The following LMNB1 variants were observed in gnomAD, a reference collection of about 807,000 sequenced individuals.
LMNB1 encodes lamin-B1.
Under a neutral mutation model 67.1 loss-of-function variants are expected in LMNB1, and 23 were observed. The ratio of observed to expected loss-of-function variants is 0.34; its 90% CI spans 0.25 to 0.49. LMNB1 has a LOEUF of 0.49. Ranked by LOEUF, LMNB1 falls within the 20% of genes least tolerant of loss-of-function variation. The pLI, the probability that LMNB1 is intolerant of heterozygous loss-of-function variation, is 0.99. For synonymous variants in LMNB1, 281 were observed against 282.9 expected (o/e 0.99, Z 0.07); for missense variants, 634 against 746.5 (o/e 0.85, Z 1.76).
At chr5:126,810,480 T>C in intron 4 of LMNB1, 130 bp downstream of exon 4, 1 of 688,776 alleles carries the variant, frequency 1.5e-6, no homozygotes, top group Non-Finnish European at 2.2e-6. Context: ...ATGAAATATA[T>C]AGAAAATTGA....
intron 1 of LMNB1, among the ~76,000 whole-genome samples, chr5:126,787,677 A>C (rs1750844764): frequency 6.7e-6 from 1 of 150,324 alleles, no homozygotes; most frequent in Non-Finnish European, 1.5e-5. Flanking sequence ...CAGCGTCCCA[A>C]GTAGCTGGGA....
chr5:126,799,172 C>A (rs1301842807), intron 1 of LMNB1, among the ~76,000 whole-genome samples: 1 of 152,122 alleles, frequency 6.6e-6, no homozygotes, highest in Non-Finnish European at 1.5e-5. Context: ...GCGCCCGCCA[C>A]CTCGCCCGGC....
At chr5:126,796,872 C>T (rs891075939) in intron 1 of LMNB1, among the ~76,000 whole-genome samples, 1 of 150,536 alleles carries the variant, frequency 6.6e-6, no homozygotes, top group South Asian at 2.1e-4. Flanking sequence ...ACTGCAACCT[C>T]CACACCCCCA....
intron 3 of LMNB1, among the ~76,000 whole-genome samples, chr5:126,807,509 A>AGTG (rs959561275): frequency 1.3e-5 from 2 of 152,312 alleles, no homozygotes; most frequent in African/African-American, 4.8e-5. Context: ...TTCTTCAATG[A>AGTG]GTGGTAAGGA....
intron 1 of LMNB1, among the ~76,000 whole-genome samples, chr5:126,796,455 G>C (rs996766326): frequency 2.0e-5 from 3 of 152,192 alleles, no homozygotes; most frequent in Admixed American, 6.5e-5. Context: ...GCAGAAGCCA[G>C]GGTTGGAAAT....
chr5:126,827,611 C>T (rs1247578789), intron 9 of LMNB1, among the ~76,000 whole-genome samples: 4 of 152,204 alleles, frequency 2.6e-5, no homozygotes, highest in African/African-American at 9.6e-5. Flanking sequence ...TGCGCCATTG[C>T]ACTCCAGCCT....
At chr5:126,803,197 A>AG (rs398109401) in intron 1 of LMNB1, among the ~76,000 whole-genome samples, 1 of 150,910 alleles carries the variant, frequency 6.6e-6, no homozygotes, top group African/African-American at 2.4e-5. Context: ...AAAAAAAAAA[A>AG]GTGATATTTA....
rs933047897 is a variant in LMNB1 at position 126,837,017 on chromosome 5, T to C, written c.*753T>C. ...AACAAATAAAAAAGCTCTTTTAATA[T>C]TGATATACTGTCCTTTTTAACGCTT... On this transcript the variant is annotated 3_prime_UTR_variant, in exon 11 of 11. Coordinates refer to ENST00000261366, the MANE Select transcript of LMNB1 (RefSeq NM_005573.4). 1.5e-5 allele frequency: 6 copies of C among 397,058 alleles called. No homozygotes were observed. Among genetic ancestry groups the C allele is most frequent in the Non-Finnish European group, 2.7e-5 (6 of 225,236 alleles). 24.6% of individuals were successfully genotyped at this position (397,058 alleles called of 1,614,324 possible). A position where few individuals can be genotyped will look rare whatever the true frequency, so the allele number is the denominator to read the frequency against.
intron 10 of LMNB1, among the ~76,000 whole-genome samples, chr5:126,834,616 C>T (rs1162589773): frequency 6.6e-6 from 1 of 152,222 alleles, no homozygotes; most frequent in Non-Finnish European, 1.5e-5. Context: ...GGCACGGTGG[C>T]TTACGCCTGT....
intron 1 of LMNB1, among the ~76,000 whole-genome samples, chr5:126,780,215 A>T (rs1312718696): frequency 1.3e-5 from 2 of 152,104 alleles, no homozygotes; most frequent in Non-Finnish European, 2.9e-5. Context: ...CACAGATCAA[A>T]TATCTGTTGC....
intron 1 of LMNB1, among the ~76,000 whole-genome samples, chr5:126,795,198 C>T (rs1386536738): frequency 1.3e-5 from 2 of 148,692 alleles, no homozygotes; most frequent in Non-Finnish European, 3.0e-5. Flanking sequence ...AGTGCCGTGG[C>T]ATGACCACAG....
Position 126,777,544 on chromosome 5 carries a change from C to T in LMNB1, c.36C>T (p.Gly12=), listed in dbSNP as rs1247818233. The T allele has an allele frequency of 7.0e-7, 1 of 1,438,526 alleles. No homozygotes were observed. The highest frequency in any genetic ancestry group is 1.4e-5 in the South Asian group (1 of 69,752). 89.1% of individuals were successfully genotyped at this position (1,438,526 alleles called of 1,614,324 possible). A position where few individuals can be genotyped will look rare whatever the true frequency, so the allele number is the denominator to read the frequency against. ...CGACCCCCGTGCCGCCGCGGATGGG[C>T]AGCCGCGCTGGCGGCCCCACCACGC... ...ATATPVPPRM[G]SRAGGPTTPL... Residue 12 remains glycine (G), a synonymous_variant, in exon 1 of 11, where the codon GGC becomes GGT. Transcript: ENST00000261366.
intron 6 of LMNB1, among the ~76,000 whole-genome samples, chr5:126,819,495 T>C (rs1751808355): frequency 6.8e-6 from 1 of 148,086 alleles, no homozygotes; most frequent in Non-Finnish European, 1.5e-5. Context: ...TATTTATTTA[T>C]TTATTTATTT....
intron 1 of LMNB1, among the ~76,000 whole-genome samples, chr5:126,804,059 C>T (rs1449625434): frequency 1.3e-5 from 2 of 151,740 alleles, no homozygotes; most frequent in African/African-American, 4.8e-5. Flanking sequence ...CTTTTCTTCT[C>T]ATTTAGTGTA....
At chr5:126,809,823 G>C (rs1354103171) in intron 3 of LMNB1, among the ~76,000 whole-genome samples, 1 of 152,152 alleles carries the variant, frequency 6.6e-6, no homozygotes, top group Non-Finnish European at 1.5e-5. Context: ...AAACAATTCA[G>C]AAAAATAATT....
chr5:126,796,500 T>C (rs1415529751), intron 1 of LMNB1, among the ~76,000 whole-genome samples: 2 of 152,176 alleles, frequency 1.3e-5, no homozygotes, highest in Non-Finnish European at 2.9e-5. Flanking sequence ...ACTGGCGGCA[T>C]GTTGAACAAC....
chr5:126,811,586 A>G, intron 4 of LMNB1, 187 bp from the exon 5 acceptor site: 1 of 438,006 alleles, frequency 2.3e-6, no homozygotes. Context: ...TTATTTAGGA[A>G]GTGACTCTAA....
rs905950445 is a variant in LMNB1, at chr5:126,810,953, G to A, written c.813+603G>A. Among the ~76,000 whole-genome samples, 3 of 152,194 alleles carry A rather than the reference G, an allele frequency of 2.0e-5. No homozygotes were observed. In the East Asian group the frequency reaches 5.8e-4, roughly 29 times the overall value. On this transcript the variant is annotated intron_variant, in intron 4 of 10. Transcript: ENST00000261366. Reference sequence around the variant, plus strand: ...TTTCCCTGGTAAATGATTTTGCCTTGTGTTTTAAATGTTACATGATTTGAT... The same window carrying A: ...TTTCCCTGGTAAATGATTTTGCCTTATGTTTTAAATGTTACATGATTTGAT...
rs926664461 is a variant in LMNB1 at position 126,836,553 on chromosome 5, T to A, written c.*289T>A. On this transcript the variant is annotated 3_prime_UTR_variant, in exon 11 of 11. Coordinates refer to ENST00000261366, the MANE Select transcript of LMNB1 (RefSeq NM_005573.4). The stretch of plus-strand genomic sequence containing the variant: ...ACTTTTTTTGTATGTGTGTTTTTTC[T>A]TTTTTTTTAAGTTCTTATGAGGAGG... 2.2e-5 allele frequency: 7 copies of A among 322,340 alleles called. No individual in the cohort carries two copies. Among genetic ancestry groups the A allele is most frequent in the Non-Finnish European group, 3.9e-5 (7 of 179,582 alleles). 20.0% of individuals were successfully genotyped at this position (322,340 alleles called of 1,614,324 possible). A position where few individuals can be genotyped will look rare whatever the true frequency, so the allele number is the denominator to read the frequency against.
Sources: gnomAD v4.1 joint callset for allele counts (sites outside exome capture counted in the v4.1 genomes callset) on GRCh38, gnomAD v4.1.1 for gene constraint, MANE v1.5 for transcripts, NCBI Gene and HGNC (gene_info 2026-07-23, HGNC 2026-07-21) for gene names.